The following MTUS2 variants were observed in gnomAD, a reference collection of about 807,000 sequenced individuals.
MTUS2 encodes microtubule-associated tumor suppressor candidate 2.
A neutral mutation model predicts 114.1 loss-of-function variants in MTUS2; 40 were observed. The ratio of observed to expected loss-of-function variants is 0.35; its 90% CI spans 0.27 to 0.46. MTUS2 has a LOEUF of 0.46. MTUS2 is among the 20% of genes least tolerant of loss of function. The pLI, the probability that MTUS2 is intolerant of heterozygous loss-of-function variation, is 1.00. For missense variants in MTUS2, 1,679 were observed against 1,705.4 expected (o/e 0.98, Z 0.27); for synonymous variants, 688 against 672.0 (o/e 1.02, Z -0.37).
At chr13:29,086,302 C>T (rs1008708961) in intron 4 of MTUS2, among the ~76,000 whole-genome samples, 1 of 152,026 alleles carries the variant, frequency 6.6e-6, no homozygotes, top group Non-Finnish European at 1.5e-5. Flanking sequence ...TTATTTATTT[C>T]TTCTTTTTGT....
At position 28,976,584 on chromosome 13, in the gene MTUS2, G is replaced by A. The variant is rs1331106153; in HGVS notation, c.-242-47873G>A. Among the ~76,000 whole-genome samples, 3 of 152,284 alleles carry A rather than the reference G, an allele frequency of 2.0e-5. No individual in the cohort carries two copies. In the East Asian group the frequency reaches 5.8e-4, roughly 29 times the overall value. On this transcript the variant is annotated intron_variant, in intron 2 of 15. Transcript: ENST00000612955. ...TGGCTGTTGTGATAGTCCAGGGAGG[G>A]ATGAGGAGCTACAGAATAAAGCCAT...
chr13:29,062,076 C>T (rs909496767), intron 4 of MTUS2, among the ~76,000 whole-genome samples: 1 of 152,164 alleles, frequency 6.6e-6, no homozygotes, highest in Non-Finnish European at 1.5e-5. Flanking sequence ...CCCCTGCCTC[C>T]AGGATTCAAG....
At chr13:29,468,324 A>T (rs1880031282) in intron 9 of MTUS2, among the ~76,000 whole-genome samples, 1 of 152,048 alleles carries the variant, frequency 6.6e-6, no homozygotes, top group African/African-American at 2.4e-5. Flanking sequence ...CACGCCTGTA[A>T]TCCCAGCACT....
chr13:29,143,611 A>G (rs1477358177), intron 5 of MTUS2, among the ~76,000 whole-genome samples: 3 of 152,216 alleles, frequency 2.0e-5, no homozygotes, highest in Non-Finnish European at 4.4e-5. Flanking sequence ...GAGAAAGGAT[A>G]TTTGTGCAGA....
At chr13:28,851,189 A>G (rs1355668209) in intron 2 of MTUS2, among the ~76,000 whole-genome samples, 1 of 152,240 alleles carries the variant, frequency 6.6e-6, no homozygotes. Flanking sequence ...TAGGAAGTAG[A>G]GATAAGTGAT....
chr13:29,261,120 A>G (rs1398104289), intron 5 of MTUS2, among the ~76,000 whole-genome samples: 1 of 152,218 alleles, frequency 6.6e-6, no homozygotes, highest in Non-Finnish European at 1.5e-5. Flanking sequence ...CTAGCTCCCA[A>G]GAGGGGAGAG....
chr13:29,363,925 C>T (rs1389779781), intron 8 of MTUS2, among the ~76,000 whole-genome samples: 1 of 152,158 alleles, frequency 6.6e-6, no homozygotes, highest in Non-Finnish European at 1.5e-5. Context: ...ATATCATCCT[C>T]ATGTGATGCC....
intron 6 of MTUS2, chr13:29,307,161 C>A: frequency 2.0e-6 from 1 of 494,824 alleles, no homozygotes; most frequent in Non-Finnish European, 3.8e-6. Context: ...CTGCCAACAC[C>A]CTGATGTTCG....
At chr13:29,257,964 G>T (rs1228245157) in intron 5 of MTUS2, among the ~76,000 whole-genome samples, 4 of 152,192 alleles carry the variant, frequency 2.6e-5, no homozygotes, top group Admixed American at 2.6e-4. Flanking sequence ...TCTCCTGCAG[G>T]TGCTCTTTGC....
chr13:29,333,545 T>A (rs770090804), intron 7 of MTUS2, among the ~76,000 whole-genome samples: 1 of 152,218 alleles, frequency 6.6e-6, no homozygotes, highest in Non-Finnish European at 1.5e-5. Flanking sequence ...CACTGTGGTC[T>A]GAGAGACTGT....
At chr13:28,858,410 T>G (rs1227598823) in intron 2 of MTUS2, among the ~76,000 whole-genome samples, 2 of 152,178 alleles carry the variant, frequency 1.3e-5, no homozygotes, top group Non-Finnish European at 2.9e-5. Flanking sequence ...TTCTTTCATA[T>G]AGTTATTTAA....
intron 5 of MTUS2, among the ~76,000 whole-genome samples, chr13:29,216,793 C>T (rs1208630401): frequency 2.6e-5 from 4 of 152,286 alleles, no homozygotes; most frequent in Admixed American, 1.3e-4. Flanking sequence ...CAGACTGGAG[C>T]GTTTTCTATT....
chr13:29,398,712 C>T (rs1874101126), intron 8 of MTUS2, among the ~76,000 whole-genome samples: 1 of 152,094 alleles, frequency 6.6e-6, no homozygotes, highest in Non-Finnish European at 1.5e-5. Context: ...GTTTCCCACA[C>T]ATAAAGTGCT....
intron 8 of MTUS2, among the ~76,000 whole-genome samples, chr13:29,392,220 C>T (rs1053091173): frequency 1.3e-5 from 2 of 152,066 alleles, no homozygotes; most frequent in Non-Finnish European, 2.9e-5. Context: ...TAATAACTCC[C>T]CATTCCCCTC....
chr13:29,309,095 T>G (rs1486453904), intron 6 of MTUS2, among the ~76,000 whole-genome samples: 1 of 152,196 alleles, frequency 6.6e-6, no homozygotes, highest in East Asian at 1.9e-4. Context: ...CAAAGGAATA[T>G]AAATCATTCT....
chr13:28,877,317 C>CAA (rs59056880), intron 2 of MTUS2, among the ~76,000 whole-genome samples: 20 of 113,546 alleles, frequency 1.8e-4, no homozygotes, highest in Non-Finnish European at 2.8e-4. Context: ...GACTCCATCT[C>CAA]AAAAAAAAAA....
At chr13:29,095,300 C>T (rs909239953) in intron 4 of MTUS2, among the ~76,000 whole-genome samples, 1 of 152,012 alleles carries the variant, frequency 6.6e-6, no homozygotes, top group Non-Finnish European at 1.5e-5. Context: ...CAATTCTGTT[C>T]ATTTTTGCTT....
At chr13:29,447,934 C>T (rs111722301) in intron 9 of MTUS2, among the ~76,000 whole-genome samples, 167 of 152,180 alleles carry the variant, frequency 1.1e-3, no homozygotes, top group Non-Finnish European at 1.4e-3. Context: ...ATTTCAAAGT[C>T]GAATATTGAA....
rs1479436255 is a variant in MTUS2 at position 29,053,783 on chromosome 13, A to G, written c.2446+19658A>G. On this transcript the variant is annotated intron_variant, in intron 4 of 15. Coordinates refer to ENST00000612955, the MANE Select transcript of MTUS2 (RefSeq NM_001033602.4). ...TTATTGCCGAGTATTGTATGGATGTACATACCACAATTTGATCATCTATTC... is the reference window on the plus strand; with the variant it reads ...TTATTGCCGAGTATTGTATGGATGTGCATACCACAATTTGATCATCTATTC... Among the ~76,000 whole-genome samples the G allele has an allele frequency of 5.3e-5, 8 of 152,142 alleles. No homozygotes were observed. The East Asian group carries it at 7.7e-4, about 15-fold the overall frequency.
Sources: allele counts gnomAD v4.1 joint callset (sites outside exome capture counted in the v4.1 genomes callset), GRCh38; gene constraint gnomAD v4.1.1; transcripts MANE v1.5; gene names NCBI Gene and HGNC (gene_info 2026-07-23, HGNC 2026-07-21).